CELF5: variants seen among roughly 807,000 people sequenced by gnomAD.
CELF5 encodes CUG-BP and ETR-3 like factor 5.
In CELF5, 6 loss-of-function variants were observed where a neutral mutation model predicts 54.9. That is an observed-to-expected ratio of 0.11 (90% confidence interval 0.06 to 0.22). The LOEUF (loss-of-function observed/expected upper bound fraction) is 0.22. CELF5 is among the 10% of genes least tolerant of loss of function. CELF5 has a pLI of 1.00. For missense variants in CELF5, 401 were observed against 678.6 expected, an observed-to-expected ratio of 0.59 and a Z score of 4.54; for synonymous variants, 271 against 290.9, an observed-to-expected ratio of 0.93 and a Z score of 0.70.
intron 1 of CELF5, among the ~76,000 whole-genome samples, chr19:3,229,892 C>G (rs1917169415): frequency 6.6e-6 from 1 of 152,116 alleles, no homozygotes; most frequent in Admixed American, 6.5e-5. Context: ...AGGAAAGGAG[C>G]AGAGGGGCTT....
intron 9 of CELF5, among the ~76,000 whole-genome samples, chr19:3,285,556 C>T (rs2080227856): frequency 6.7e-6 from 1 of 150,364 alleles, no homozygotes; most frequent in African/African-American, 2.4e-5. Context: ...CACTGTGACC[C>T]CACCCCTCAA....
rs1266952451 is a variant in CELF5, at chr19:3,251,667, T to TG, written c.342+600_342+601insG. On this transcript the variant is annotated intron_variant, in intron 2 of 12. Transcript: ENST00000292672. ...ACAAGGGCTTCTTTTTTTTTTTTTT[T>TG]TTTTTTTGTTGTTGTTGTTGTTGTT... Among the ~76,000 whole-genome samples the TG allele has an allele frequency of 1.8e-3, 251 of 137,062 alleles. 1 individual carries two copies. The highest frequency in any genetic ancestry group is 5.5e-3 in the African/African-American group (209 of 38,004). The allele number at this position is 137,062 out of a possible 152,430, so 89.9% of individuals were successfully genotyped here. A position where few individuals can be genotyped will look rare whatever the true frequency, so the allele number is the denominator to read the frequency against.
chr19:3,289,222 T>C (rs1220918123), intron 10 of CELF5, among the ~76,000 whole-genome samples: 1 of 152,084 alleles, frequency 6.6e-6, no homozygotes, highest in African/African-American at 2.4e-5. Flanking sequence ...GTCTGGGGAG[T>C]TATCCCTAGC....
rs990023077 is a variant in CELF5 at position 3,275,322 on chromosome 19, C to G, written c.395-534C>G. On this transcript the variant is annotated intron_variant, in intron 3 of 12. Coordinates refer to ENST00000292672, the MANE Select transcript of CELF5 (RefSeq NM_021938.4). This position sits in a 1 kb window ranked among gnomAD's most constrained non-coding sequence, Gnocchi z 6.7. ...GCACGTGAACCCTCACTCCACTCCA[C>G]AGATGGTGACTGCCTGGCCCCTCTT... is the stretch of plus-strand genomic sequence containing the variant. Among the ~76,000 whole-genome samples, 1 of 152,242 alleles carries G rather than the reference C, an allele frequency of 6.6e-6. No individual in the cohort carries two copies. The highest frequency in any genetic ancestry group is 2.4e-5 in the African/African-American group (1 of 41,470).
intron 1 of CELF5, among the ~76,000 whole-genome samples, chr19:3,234,266 T>TCC (rs1319553711): frequency 6.6e-6 from 1 of 151,844 alleles, no homozygotes; most frequent in Admixed American, 6.6e-5. Flanking sequence ...TCTCTCTCTC[T>TCC]CCCTCCCTCT....
intron 10 of CELF5, among the ~76,000 whole-genome samples, chr19:3,287,739 G>GGA (rs2080277886): frequency 6.9e-6 from 1 of 144,898 alleles, no homozygotes; most frequent in African/African-American, 2.5e-5. Context: ...GGCAACAGAG[G>GGA]GAGACCCTGT....
At chr19:3,251,178 T>C in intron 2 of CELF5, 111 bp downstream of exon 2, 1 of 778,772 alleles carries the variant, frequency 1.3e-6, no homozygotes, top group Admixed American at 2.2e-5. Context: ...GTCTCGGGAC[T>C]CAGAAAGAGG....
At chr19:3,292,646 G>A (rs2080370957) in intron 11 of CELF5, among the ~76,000 whole-genome samples, 1 of 152,066 alleles carries the variant, frequency 6.6e-6, no homozygotes, top group African/African-American at 2.4e-5. Context: ...TGACAGAGAT[G>A]GAGAGAAAGA....
chr19:3,236,722 C>A (rs950432897), intron 1 of CELF5, among the ~76,000 whole-genome samples: 2 of 152,126 alleles, frequency 1.3e-5, no homozygotes, highest in Non-Finnish European at 2.9e-5. Context: ...CGATGGCTCA[C>A]GCCTACAATC....
intron 2 of CELF5, among the ~76,000 whole-genome samples, chr19:3,271,655 C>G (rs1212420675): frequency 6.6e-6 from 1 of 151,810 alleles, no homozygotes; most frequent in Non-Finnish European, 1.5e-5. Flanking sequence ...GGGGAGGGGA[C>G]CCAGAGATGA....
chr19:3,268,206 C>G lies in CELF5; in HGVS notation c.343-5666C>G, dbSNP rs55695614. Among the ~76,000 whole-genome samples the G allele has an allele frequency of 0.28, 42,270 of 151,672 alleles. 7,216 individuals carry two copies. Among genetic ancestry groups the G allele is most frequent in the East Asian group, 0.76 (3,917 of 5,126 alleles). ...TAGAGATGCGGTTTTACCGTGTTGG[C>G]CAGGCTGGTCTCGAACTCCTGACCT... is the stretch of plus-strand genomic sequence containing the variant. On this transcript the variant is annotated intron_variant, in intron 2 of 12. Coordinates refer to ENST00000292672, the MANE Select transcript of CELF5 (RefSeq NM_021938.4). This position sits in a 1 kb window ranked among gnomAD's most constrained non-coding sequence, Gnocchi z 4.4.
intron 3 of CELF5, 140 bp downstream of exon 3, chr19:3,274,063 C>T: frequency 1.3e-6 from 1 of 797,750 alleles, no homozygotes; most frequent in Non-Finnish European, 2.1e-6. Context: ...TGCCCCAAAG[C>T]ATGCAGTAGT....
intron 12 of CELF5, chr19:3,296,218 C>T (rs1168400096): frequency 6.6e-6 from 1 of 150,860 alleles, no homozygotes; most frequent in East Asian, 1.9e-4. Context: ...CTGCCCAATC[C>T]GCGACACCCA....
chr19:3,273,702 T>G (rs1181661958), intron 2 of CELF5, among the ~76,000 whole-genome samples, 170 bp from the exon 3 acceptor site: 1 of 152,162 alleles, frequency 6.6e-6, no homozygotes, highest in East Asian at 1.9e-4. Flanking sequence ...GTTTCCGCTG[T>G]AGGTGGGACA....
chr19:3,276,052 G>T, intron 4 of CELF5, 68 bp downstream of exon 4: 1 of 1,153,608 alleles, frequency 8.7e-7, no homozygotes, highest in Non-Finnish European at 1.2e-6. Context: ...GGGCCTGTGG[G>T]GAGGGTGGGG....
chr19:3,228,069 C>T lies in CELF5; in HGVS notation c.259+3071C>T, dbSNP rs1157104765. On this transcript the variant is annotated intron_variant, in intron 1 of 12. Transcript: ENST00000292672. This position sits in a 1 kb window ranked among gnomAD's most constrained non-coding sequence, Gnocchi z 6.0. ...AGAGGGATGCGTCGAGGTGGTCTTC[C>T]GAAAGAGGGCAGGCCCTGGGGCGCT... 2.6e-5 allele frequency among the ~76,000 whole-genome samples: 4 copies of T among 151,216 alleles called. No individual in the cohort carries two copies. The highest frequency in any genetic ancestry group is 4.2e-4 in the South Asian group (2 of 4,774).
chr19:3,225,113 C>A, intron 1 of CELF5, 115 bp downstream of exon 1: 1 of 672,102 alleles, frequency 1.5e-6, no homozygotes, highest in Non-Finnish European at 2.3e-6. Flanking sequence ...CCTCTGCCTG[C>A]CTCTGCCGGA....
Position 3,275,784 on chromosome 19 carries a change from G to A in CELF5, c.395-72G>A. 2 of 1,522,538 alleles carry A rather than the reference G, an allele frequency of 1.3e-6. No homozygotes were observed. The highest frequency in any genetic ancestry group is 8.9e-7 in the Non-Finnish European group (1 of 1,125,198). The allele number at this position is 1,522,538 out of a possible 1,614,324, so 94.3% of individuals were successfully genotyped here. ...CTGCCCTGCCGCCTCCACTCTGCTG[G>A]AGGGAGGGAGGAATCCCGGAGGCCC... On this transcript the variant is annotated intron_variant, in intron 3 of 12. Coordinates refer to ENST00000292672, the MANE Select transcript of CELF5 (RefSeq NM_021938.4). This position sits in a 1 kb window ranked among gnomAD's most constrained non-coding sequence, Gnocchi z 6.7.
chr19:3,296,401 GA>G (rs1461958102), intron 12 of CELF5: 7 of 136,150 alleles, frequency 5.1e-5, no homozygotes, highest in African/African-American at 1.9e-4. Flanking sequence ...GACTGACCCG[GA>G]GGGGGGGCGG....
Sources: gnomAD v4.1 joint callset for allele counts (sites outside exome capture counted in the v4.1 genomes callset) on GRCh38, gnomAD v4.1.1 for gene constraint, Gnocchi (gnomAD v3.1) non-coding constraint, MANE v1.5 for transcripts, NCBI Gene and HGNC (gene_info 2026-07-23, HGNC 2026-07-21) for gene names.